The following ZNF423 variants were observed in gnomAD, a reference collection of about 807,000 sequenced individuals.
ZNF423 encodes the protein Ebf-associated zinc finger protein.
Under a neutral mutation model 95.8 loss-of-function variants are expected in ZNF423, and 12 were observed. That is an observed-to-expected ratio of 0.13 (90% CI 0.08 to 0.20). ZNF423 has a LOEUF of 0.20. Among genes scored for constraint, ZNF423 ranks in the 10% least tolerant of loss-of-function variants. The pLI is 1.00. For synonymous variants in ZNF423, 749 were observed against 711.9 expected (o/e 1.05, Z -0.83); for missense variants, 1,316 against 1,737.1 (o/e 0.76, Z 4.31).
chr16:49,637,887 A>T lies in ZNF423; in HGVS notation c.1289T>A (p.Leu430Gln), dbSNP rs770293775. Residue 430 changes from leucine to glutamine, a missense_variant, in exon 4 of 8, where the codon CTG (leucine) becomes CAG (glutamine). Around this residue, in one of 6 missense-constraint regions of ZNF423, gnomAD observed 399 missense variants for 478.5 expected, o/e 0.83. Transcript: ENST00000563137. This position sits in a 1 kb window ranked among gnomAD's most constrained non-coding sequence, Gnocchi z 5.6. ...PYCSKRDFNS[L>Q]AVLEIHLKTI... ...CTTCAGGTGGATCTCCAGCACGGCC[A>T]GGCTGTTAAAGTCCCGCTTGGAACA... The T allele has an allele frequency of 6.2e-7, 1 of 1,614,134 alleles. No homozygotes were observed. The highest frequency in any genetic ancestry group is 8.5e-7 in the Non-Finnish European group (1 of 1,180,032).
intron 5 of ZNF423, among the ~76,000 whole-genome samples, chr16:49,545,012 G>A (rs1376863921): frequency 5.3e-5 from 8 of 152,244 alleles, no homozygotes; most frequent in Admixed American, 1.3e-4. Context: ...CTATGGGGCC[G>A]GTGCCGTTAT....
chr16:49,799,360 C>A (rs2034546724), intron 1 of ZNF423, among the ~76,000 whole-genome samples: 1 of 152,196 alleles, frequency 6.6e-6, no homozygotes, highest in African/African-American at 2.4e-5. Flanking sequence ...CCTGGAAAGA[C>A]AGGAGAGCTG....
Position 49,635,765 on chromosome 16 carries a change from A to T in ZNF423, c.3411T>A (p.Phe1137Leu), listed in dbSNP as rs1399280195. The change falls in exon 4 of 8, where the codon TTT becomes TTA. Residue 1137 changes from phenylalanine (F) to leucine (L), a missense_variant. Phe to Leu is a conservative substitution (Grantham distance 22, BLOSUM62 0). This residue lies in a region of ZNF423 where 620 missense variants were observed against 775.6 expected (regional missense o/e 0.80). Coordinates refer to ENST00000563137, the MANE Select transcript of ZNF423 (RefSeq NM_001379286.1). The surrounding 1 kb of genome is among the most constrained non-coding windows in gnomAD (Gnocchi z 4.8). Reference protein sequence around the residue: ...GLRCPECSVKFESAEDLESHM... With the variant: ...GLRCPECSVKLESAEDLESHM... The stretch of plus-strand genomic sequence containing the variant: ...GGCTCTCCAGGTCTTCGGCACTCTC[A>T]AACTTGACACTGCACTCGGGGCAAC... 2 of 1,612,764 alleles carry T rather than the reference A, an allele frequency of 1.2e-6. No homozygotes were observed. The highest frequency in any genetic ancestry group is 2.2e-5 in the South Asian group (2 of 91,034).
At chr16:49,532,339 C>T (rs751569486) in intron 5 of ZNF423, among the ~76,000 whole-genome samples, 2 of 152,186 alleles carry the variant, frequency 1.3e-5, no homozygotes, top group Non-Finnish European at 2.9e-5. Context: ...TCACTCAAGA[C>T]CGCTCAGCCA....
intron 7 of ZNF423, among the ~76,000 whole-genome samples, chr16:49,508,274 A>C (rs371336437): frequency 2.0e-4 from 30 of 152,302 alleles, no homozygotes; most frequent in African/African-American, 6.3e-4. Flanking sequence ...TAATCCCAGC[A>C]CTTTGGAAGG....
intron 5 of ZNF423, among the ~76,000 whole-genome samples, chr16:49,622,699 C>T (rs1356088914): frequency 6.6e-6 from 1 of 152,180 alleles, no homozygotes; most frequent in Non-Finnish European, 1.5e-5. Context: ...AATGGAGGGA[C>T]CCTAGCTGTG....
chr16:49,524,917 G>A (rs1295612438), intron 6 of ZNF423, among the ~76,000 whole-genome samples: 1 of 152,216 alleles, frequency 6.6e-6, no homozygotes, highest in Non-Finnish European at 1.5e-5. Context: ...CTTGACCCCT[G>A]CATCCTGGAG....
intron 3 of ZNF423, among the ~76,000 whole-genome samples, chr16:49,706,131 T>C (rs1567302197): frequency 6.6e-6 from 1 of 151,778 alleles, no homozygotes; most frequent in Non-Finnish European, 1.5e-5. Flanking sequence ...GCCTGGAAAA[T>C]AGGGCCAGAC....
chr16:49,521,426 G>A (rs970480443), intron 7 of ZNF423, among the ~76,000 whole-genome samples: 3 of 152,190 alleles, frequency 2.0e-5, no homozygotes, highest in Admixed American at 2.0e-4. Context: ...AGGATAAGGC[G>A]GCTGCATGGA....
chr16:49,553,705 G>C (rs913233247), intron 5 of ZNF423, among the ~76,000 whole-genome samples: 2 of 151,982 alleles, frequency 1.3e-5, no homozygotes, highest in Non-Finnish European at 1.5e-5. Context: ...GGAGTGCAGT[G>C]GCATGATCAA....
chr16:49,680,545 C>T (rs916379962), intron 3 of ZNF423, among the ~76,000 whole-genome samples: 1 of 152,220 alleles, frequency 6.6e-6, no homozygotes, highest in Non-Finnish European at 1.5e-5. Context: ...GGCTGTGACA[C>T]CTTCCTTGGG....
At chr16:49,530,454 C>G (rs1968798107) in intron 5 of ZNF423, among the ~76,000 whole-genome samples, 2 of 152,322 alleles carry the variant, frequency 1.3e-5, no homozygotes, top group African/African-American at 4.8e-5. Flanking sequence ...GTCCCTCCCT[C>G]CCTCCGGCAC....
intron 5 of ZNF423, among the ~76,000 whole-genome samples, chr16:49,600,290 A>T (rs1014456383): frequency 2.0e-5 from 3 of 152,028 alleles, no homozygotes; most frequent in Non-Finnish European, 2.9e-5. Context: ...ACAGCACTCC[A>T]GCCTGGGCGA....
intron 7 of ZNF423, among the ~76,000 whole-genome samples, chr16:49,518,778 G>C (rs1454369501): frequency 6.6e-6 from 1 of 152,208 alleles, no homozygotes; most frequent in Non-Finnish European, 1.5e-5. Context: ...CATGGCACCA[G>C]GGACAGTGGC....
intron 1 of ZNF423, among the ~76,000 whole-genome samples, chr16:49,815,283 CA>C (rs1412776228): frequency 6.6e-6 from 1 of 152,014 alleles, no homozygotes; most frequent in Non-Finnish European, 1.5e-5. Flanking sequence ...CAAAACGAAC[CA>C]AAAAAAGCAG....
chr16:49,793,727 G>A (rs894378545), intron 1 of ZNF423, among the ~76,000 whole-genome samples: 3 of 152,032 alleles, frequency 2.0e-5, no homozygotes, highest in Non-Finnish European at 4.4e-5. Flanking sequence ...GTGTGACACA[G>A]AGCAGAGGCA....
intron 5 of ZNF423, among the ~76,000 whole-genome samples, chr16:49,529,794 C>T (rs779341651): frequency 2.0e-5 from 3 of 152,076 alleles, no homozygotes; most frequent in Non-Finnish European, 4.4e-5. Flanking sequence ...GGAGGAGCGG[C>T]GGGCTGCAGC....
At chr16:49,693,509 C>T (rs997212931) in intron 3 of ZNF423, among the ~76,000 whole-genome samples, 4 of 152,160 alleles carry the variant, frequency 2.6e-5, no homozygotes, top group Admixed American at 2.6e-4. Context: ...CAGCATCTAT[C>T]CCTGCATTCT....
chr16:49,730,823 G>C lies in ZNF423; in HGVS notation c.249C>G (p.Asp83Glu). The C allele has an allele frequency of 6.2e-7, 1 of 1,614,226 alleles. No individual in the cohort carries two copies. The change falls in exon 3 of 8, where the codon GAC (aspartate) becomes GAG (glutamate). Residue 83 changes from aspartate to glutamate, a missense_variant. This residue lies in a region of ZNF423 where 155 missense variants were observed against 170.8 expected (regional missense o/e 0.91). Transcript: ENST00000563137. The part of the protein sequence containing the change: ...SIYTCDHCQQ[D>E]FESLADLTDH... Reference sequence around the variant, plus strand: ...CCGTCAGGTCTGCCAGAGACTCGAAGTCCTGCTGACAGTGATCGCAGGTGT... The same window carrying C: ...CCGTCAGGTCTGCCAGAGACTCGAACTCCTGCTGACAGTGATCGCAGGTGT...
Sources: allele counts gnomAD v4.1 joint callset (sites outside exome capture counted in the v4.1 genomes callset), GRCh38; gene constraint gnomAD v4.1.1; regional missense constraint gnomAD v4.1.1; non-coding constraint Gnocchi (gnomAD v3.1); transcripts MANE v1.5; gene names NCBI Gene and HGNC (gene_info 2026-07-23, HGNC 2026-07-21).